Variants in IL20RB observed in about 807,000 individuals in gnomAD.
The protein encoded by IL20RB is interleukin-20 receptor subunit beta.
A neutral mutation model predicts 33.3 loss-of-function variants in IL20RB; 21 were observed. The observed-to-expected ratio is 0.63, with a 90% CI of 0.45 to 0.91. IL20RB has a LOEUF of 0.91. Among genes scored for constraint, IL20RB ranks in the 40% least tolerant of loss-of-function variants. The pLI is 0.00. For missense variants in IL20RB, 345 were observed against 384.8 expected, an observed-to-expected ratio of 0.90 and a Z score of 0.86; for synonymous variants, 147 against 146.8, an observed-to-expected ratio of 1.00 and a Z score of -0.01.
chr3:136,973,658 G>A (rs1941545529), intron 1 of IL20RB, among the ~76,000 whole-genome samples: 2 of 152,158 alleles, frequency 1.3e-5, no homozygotes, highest in East Asian at 3.9e-4. Flanking sequence ...TGAGAGTGGG[G>A]TGTTAAAGTC....
At chr3:137,000,424 T>C (rs1942220621) in intron 6 of IL20RB, among the ~76,000 whole-genome samples, 1 of 152,256 alleles carries the variant, frequency 6.6e-6, no homozygotes, top group African/African-American at 2.4e-5. Flanking sequence ...TTTTGGCTTT[T>C]CAAAAACAGT....
chr3:136,989,566 G>C lies in IL20RB; in HGVS notation c.531+1G>C. 1 of 1,613,768 alleles carries C rather than the reference G, an allele frequency of 6.2e-7. No individual in the cohort carries two copies. The highest frequency in any genetic ancestry group is 1.1e-5 in the South Asian group (1 of 91,062). On this transcript the variant is annotated splice_donor_variant, in intron 4 of 6. Coordinates refer to ENST00000329582, the MANE Select transcript of IL20RB (RefSeq NM_144717.4). LOFTEE classifies it high-confidence loss of function. ...CTGGAGGAGGGAGCCTGGTGCCGAGGTGAGACTCCAGCCTTGGCCTTTGGG... is the reference window on the plus strand; with the variant it reads ...CTGGAGGAGGGAGCCTGGTGCCGAGCTGAGACTCCAGCCTTGGCCTTTGGG...
chr3:136,987,939 G>A (rs1009323447), intron 3 of IL20RB, among the ~76,000 whole-genome samples: 2 of 152,164 alleles, frequency 1.3e-5, no homozygotes, highest in South Asian at 2.1e-4. Flanking sequence ...CAAGCGCCGC[G>A]TGCAGCCCCG....
chr3:136,986,564 G>A, intron 3 of IL20RB: 1 of 413,064 alleles, frequency 2.4e-6, no homozygotes. Context: ...AGTGTGTTTT[G>A]CACAGTTGGC....
At chr3:137,000,636 G>C (rs1400790969) in intron 6 of IL20RB, among the ~76,000 whole-genome samples, 1 of 152,220 alleles carries the variant, frequency 6.6e-6, no homozygotes, top group African/African-American at 2.4e-5. Context: ...CCTGACATAA[G>C]TGGAAGTAGA....
chr3:137,000,416 T>G (rs192591041), intron 6 of IL20RB, among the ~76,000 whole-genome samples: 5 of 152,348 alleles, frequency 3.3e-5, no homozygotes, highest in African/African-American at 1.2e-4. Context: ...TCTCTGTTTT[T>G]TGGCTTTTCA....
At chr3:137,008,197 C>G (rs927213819) in intron 6 of IL20RB, among the ~76,000 whole-genome samples, 1 of 152,032 alleles carries the variant, frequency 6.6e-6, no homozygotes, top group Non-Finnish European at 1.5e-5. Flanking sequence ...AATGAACCGT[C>G]CAAGTATGAC....
chr3:136,981,853 C>T (rs1010996914), intron 2 of IL20RB, among the ~76,000 whole-genome samples: 4 of 152,104 alleles, frequency 2.6e-5, no homozygotes. Flanking sequence ...GGCAGGTGTC[C>T]AAGCTGGGAG....
chr3:136,980,533 G>C lies in IL20RB; in HGVS notation c.156G>C (p.Leu52Phe). The C allele has an allele frequency of 1.2e-6, 2 of 1,614,136 alleles. No homozygotes were observed. Among genetic ancestry groups the C allele is most frequent in the Non-Finnish European group, 1.7e-6 (2 of 1,179,970 alleles). ...SVLSTNMKHL[L>F]MWSPVIAPGE... is the part of the protein sequence containing the mutation. ...TCTCAACCAACATGAAGCATCTCTT[G>C]ATGTGGAGCCCAGTGATCGCGCCTG... The change falls in exon 2 of 7, where the codon TTG becomes TTC. Residue 52 changes from leucine to phenylalanine, a missense_variant. Leu to Phe is a conservative substitution (Grantham distance 22). Coordinates refer to ENST00000329582, the MANE Select transcript of IL20RB (RefSeq NM_144717.4).
chr3:136,971,126 T>G (rs182322391), intron 1 of IL20RB, among the ~76,000 whole-genome samples: 1 of 152,202 alleles, frequency 6.6e-6, no homozygotes, highest in African/African-American at 2.4e-5. Flanking sequence ...TCCTTCTAAC[T>G]ATATGTTTTG....
At position 137,010,355 on chromosome 3, in the gene IL20RB, AG is replaced by A; in HGVS notation, c.*133del. ...AAGTAGGAAGAGCCTGTTGTCTACAAGTCTAGAAGCAACCATCAGAGGCAGG... is the reference window on the plus strand; with the variant it reads ...AAGTAGGAAGAGCCTGTTGTCTACAATCTAGAAGCAACCATCAGAGGCAGG... On this transcript the variant is annotated 3_prime_UTR_variant, in exon 7 of 7. Coordinates refer to ENST00000329582, the MANE Select transcript of IL20RB (RefSeq NM_144717.4). 1 of 611,304 alleles carries A rather than the reference AG, an allele frequency of 1.6e-6. No homozygotes were observed. The highest frequency in any genetic ancestry group is 3.0e-6 in the Non-Finnish European group (1 of 334,006). 37.9% of individuals were successfully genotyped at this position (611,304 alleles called of 1,614,324 possible). A position where few individuals can be genotyped will look rare whatever the true frequency, so the allele number is the denominator to read the frequency against.
chr3:136,986,275 A>G (rs1296411591), intron 3 of IL20RB, among the ~76,000 whole-genome samples: 2 of 151,972 alleles, frequency 1.3e-5, no homozygotes, highest in East Asian at 1.9e-4. Flanking sequence ...AACAGGAACA[A>G]TGTTTACCTT....
In IL20RB at chr3:136,982,363, T is replaced by C. The variant is rs1269837369; in HGVS notation, c.406+13T>C. ...AATAGAAACTCAAGTAAGGCACTTC[T>C]CTCCTTACACTCCCACCCCAACCAG... On this transcript the variant is annotated intron_variant, in intron 3 of 6. Transcript: ENST00000329582. 1 of 1,556,176 alleles carries C rather than the reference T, an allele frequency of 6.4e-7. No individual in the cohort carries two copies. The highest frequency in any genetic ancestry group is 8.8e-7 in the Non-Finnish European group (1 of 1,139,004).
At chr3:136,962,762 A>C (rs1310493141) in intron 1 of IL20RB, among the ~76,000 whole-genome samples, 65 of 118,344 alleles carry the variant, frequency 5.5e-4, no homozygotes, top group Admixed American at 9.9e-4. Context: ...AAAAAAAAAC[A>C]AAAAACTCAA....
intron 1 of IL20RB, among the ~76,000 whole-genome samples, chr3:136,973,360 G>A (rs774069541): frequency 6.6e-5 from 10 of 151,542 alleles, no homozygotes; most frequent in South Asian, 2.1e-4. Context: ...GCATGGTGGC[G>A]CATGCCTGTA....
intron 1 of IL20RB, among the ~76,000 whole-genome samples, chr3:136,974,159 G>T (rs1185764584): frequency 6.6e-6 from 1 of 151,514 alleles, no homozygotes; most frequent in African/African-American, 2.4e-5. Flanking sequence ...ATTGTTCATT[G>T]TGTTTTAGTG....
At chr3:136,980,205 C>A in intron 1 of IL20RB, 1 of 486,998 alleles carries the variant, frequency 2.1e-6, no homozygotes, top group South Asian at 2.3e-5. Context: ...TCAACAAAGT[C>A]AGAATTATAA....
At chr3:137,008,622 G>A (rs1379825643) in intron 6 of IL20RB, among the ~76,000 whole-genome samples, 4 of 152,122 alleles carry the variant, frequency 2.6e-5, no homozygotes, top group Non-Finnish European at 5.9e-5. Context: ...TGCTAGAACT[G>A]CACTGTCTAA....
chr3:136,983,716 G>A (rs1941836784), intron 3 of IL20RB, among the ~76,000 whole-genome samples: 2 of 152,258 alleles, frequency 1.3e-5, no homozygotes, highest in South Asian at 2.1e-4. Flanking sequence ...GACACCCCCG[G>A]CTTTGAGACT....
Sources: allele counts gnomAD v4.1 joint callset (sites outside exome capture counted in the v4.1 genomes callset), GRCh38; gene constraint gnomAD v4.1.1; transcripts MANE v1.5; gene names NCBI Gene and HGNC (gene_info 2026-07-23, HGNC 2026-07-21).